USP22: variants seen among roughly 807,000 people sequenced by gnomAD.
The protein encoded by USP22 is ubiquitin carboxyl-terminal hydrolase 22.
A neutral mutation model predicts 68.1 loss-of-function variants in USP22; 22 were observed. That is an observed-to-expected ratio of 0.32 (90% CI 0.23 to 0.46). The LOEUF (loss-of-function observed/expected upper bound fraction) is 0.46, where lower values mean the gene tolerates loss of function less well. Ranked by LOEUF, USP22 falls within the 20% of genes least tolerant of loss-of-function variation. The probability of loss-of-function intolerance (pLI) is 1.00; values close to 1 mark genes in which losing one functional copy is unlikely to be tolerated. For synonymous variants in USP22, 279 were observed against 274.2 expected, an observed-to-expected ratio of 1.02 and a Z score of -0.17; for missense variants, 433 against 695.8, an observed-to-expected ratio of 0.62 and a Z score of 4.25.
chr17:21,022,992 A>T (rs1972175626), intron 2 of USP22, among the ~76,000 whole-genome samples: 1 of 152,230 alleles, frequency 6.6e-6, no homozygotes, highest in South Asian at 2.1e-4. Context: ...GATACCATGT[A>T]TACATAAAAT....
intron 4 of USP22, among the ~76,000 whole-genome samples, chr17:21,018,794 A>T (rs887311138): frequency 1.3e-5 from 2 of 152,214 alleles, no homozygotes; most frequent in African/African-American, 4.8e-5. Context: ...CTCCCTGAAG[A>T]TTACTGTGCC....
chr17:21,014,404 T>C (rs182695269), intron 6 of USP22, among the ~76,000 whole-genome samples: 2 of 152,356 alleles, frequency 1.3e-5, no homozygotes, highest in Admixed American at 6.5e-5. Context: ...ACTTCCACAG[T>C]GGCTCTTTCC....
chr17:21,015,646 G>C, intron 6 of USP22, 106 bp downstream of exon 6: 1 of 1,389,734 alleles, frequency 7.2e-7, no homozygotes, highest in Non-Finnish European at 9.5e-7. Context: ...ACAATGGAAT[G>C]TGTCACCTGT....
intron 8 of USP22, among the ~76,000 whole-genome samples, chr17:21,010,558 T>A (rs984521063): frequency 1.4e-5 from 2 of 142,156 alleles, no homozygotes; most frequent in African/African-American, 5.0e-5. Context: ...ACACCTGTAG[T>A]CCCAGCTACT....
At chr17:21,039,882 T>C (rs375751713) in intron 1 of USP22, among the ~76,000 whole-genome samples, 2 of 152,152 alleles carry the variant, frequency 1.3e-5, no homozygotes, top group East Asian at 1.9e-4. Context: ...CAGCTTAAAG[T>C]ACTTTTACAG....
chr17:21,037,308 A>G (rs1228962017), intron 1 of USP22, among the ~76,000 whole-genome samples: 1 of 152,246 alleles, frequency 6.6e-6, no homozygotes, highest in Non-Finnish European at 1.5e-5. Context: ...CCACCCCGGT[A>G]GAGTACCTAT....
In USP22 at chr17:21,002,866, C is replaced by T. The variant is rs959000620; in HGVS notation, c.*165G>A. The stretch of plus-strand genomic sequence containing the variant: ...GCCTCCCCGTCCGTGTGGTCCATCC[C>T]GACCCGATGGGTCCCAGGTGCAGAG... On this transcript the variant is annotated 3_prime_UTR_variant, in exon 13 of 13. Transcript: ENST00000261497. 21 of 812,960 alleles carry T rather than the reference C, an allele frequency of 2.6e-5. No homozygotes were observed. Among genetic ancestry groups the T allele is most frequent in the Admixed American group, 3.8e-5 (2 of 52,126 alleles). The allele number at this position is 812,960 out of a possible 1,614,324, so 50.4% of individuals were successfully genotyped here. A position where few individuals can be genotyped will look rare whatever the true frequency, so the allele number is the denominator to read the frequency against.
chr17:21,041,457 G>T (rs1182923367), intron 1 of USP22, among the ~76,000 whole-genome samples: 1 of 152,064 alleles, frequency 6.6e-6, no homozygotes, highest in East Asian at 2.0e-4. Context: ...AATTAGCCGG[G>T]CGTGGTAGCA....
At chr17:21,009,898 T>C (rs150082265) in intron 8 of USP22, among the ~76,000 whole-genome samples, 21 of 150,550 alleles carry the variant, frequency 1.4e-4, no homozygotes, top group African/African-American at 5.1e-4. Flanking sequence ...GAGGTTGCAG[T>C]GAGCCAAGAT....
At chr17:21,011,925 T>A (rs1044183036) in intron 7 of USP22, among the ~76,000 whole-genome samples, 1 of 152,212 alleles carries the variant, frequency 6.6e-6, no homozygotes, top group African/African-American at 2.4e-5. Context: ...GAGGTCCAAA[T>A]TGCTCAGAGC....
At chr17:21,040,871 C>T (rs532776525) in intron 1 of USP22, among the ~76,000 whole-genome samples, 1 of 148,222 alleles carries the variant, frequency 6.7e-6, no homozygotes, top group South Asian at 2.2e-4. Flanking sequence ...AGAAGACTGG[C>T]TTCAACCAGG....
Position 21,002,545 on chromosome 17 carries a change from T to C in USP22, c.*486A>G, listed in dbSNP as rs1913621563. On this transcript the variant is annotated 3_prime_UTR_variant, in exon 13 of 13. Transcript: ENST00000261497. Reference sequence around the variant, plus strand: ...GAGAAAATGGAGGTGAAGAGTTCCATACTCTCCGTATTTTAACACTAAAAC... The same window carrying C: ...GAGAAAATGGAGGTGAAGAGTTCCACACTCTCCGTATTTTAACACTAAAAC... 6.2e-6 allele frequency: 1 copy of C among 161,206 alleles called. No individual in the cohort carries two copies. The highest frequency in any genetic ancestry group is 1.4e-5 in the Non-Finnish European group (1 of 73,408). 10.0% of individuals were successfully genotyped at this position (161,206 alleles called of 1,614,324 possible).
intron 6 of USP22, 90 bp downstream of exon 6, chr17:21,015,662 T>G: frequency 6.9e-7 from 1 of 1,455,124 alleles, no homozygotes; most frequent in Non-Finnish European, 9.1e-7. Flanking sequence ...CCTGTGCCCC[T>G]TTTTGCACGA....
At chr17:21,024,332 T>C (rs1972194086) in intron 2 of USP22, among the ~76,000 whole-genome samples, 1 of 152,192 alleles carries the variant, frequency 6.6e-6, no homozygotes, top group African/African-American at 2.4e-5. Flanking sequence ...CGGATCACCA[T>C]TCCAGTGCCT....
intron 7 of USP22, 122 bp from the exon 8 acceptor site, chr17:21,011,431 A>G (rs532873980): frequency 1.5e-6 from 2 of 1,293,288 alleles, no homozygotes; most frequent in Non-Finnish European, 2.1e-6. Flanking sequence ...AGTGACACTC[A>G]GGTGGGATGG....
At chr17:21,024,395 G>A (rs1354585294) in intron 2 of USP22, among the ~76,000 whole-genome samples, 2 of 152,072 alleles carry the variant, frequency 1.3e-5, no homozygotes, top group Non-Finnish European at 2.9e-5. Flanking sequence ...ACACTGCAAC[G>A]CTCCCACTGC....
At position 21,002,306 on chromosome 17, in the gene USP22, A is replaced by G. The variant is rs962074964; in HGVS notation, c.*725T>C. On this transcript the variant is annotated 3_prime_UTR_variant, in exon 13 of 13. Transcript: ENST00000261497. ...GGAGAAGTTACCTAAATTTCTGTAT[A>G]AACTCAGTAATTCATTCACTTTACT... is the stretch of plus-strand genomic sequence containing the variant. The G allele has an allele frequency of 6.6e-6, 1 of 152,240 alleles. No individual in the cohort carries two copies. The highest frequency in any genetic ancestry group is 6.5e-5 in the Admixed American group (1 of 15,288). The allele number at this position is 152,240 out of a possible 1,614,324, so 9.4% of individuals were successfully genotyped here.
At chr17:21,026,204 G>A (rs112504686) in intron 2 of USP22, among the ~76,000 whole-genome samples, 43 of 152,382 alleles carry the variant, frequency 2.8e-4, no homozygotes, top group African/African-American at 9.9e-4. Context: ...GTTGCAGTGA[G>A]CTGAGACCGT....
intron 1 of USP22, among the ~76,000 whole-genome samples, chr17:21,038,908 A>G (rs543254901): frequency 6.6e-6 from 1 of 152,298 alleles, no homozygotes; most frequent in East Asian, 1.9e-4. Flanking sequence ...CCAAAAACAC[A>G]AAGGAGACGC....
Sources: gnomAD v4.1 joint callset for allele counts (sites outside exome capture counted in the v4.1 genomes callset) on GRCh38, gnomAD v4.1.1 for gene constraint, MANE v1.5 for transcripts, NCBI Gene and HGNC (gene_info 2026-07-23, HGNC 2026-07-21) for gene names.